MTCL2: variants seen among roughly 807,000 people sequenced by gnomAD.
The protein encoded by MTCL2 is microtubule crosslinking factor 2.
chr20:36,805,017 G>T, the MTCL2 span: 2 of 1,148,012 alleles, frequency 1.7e-6, no homozygotes, highest in Non-Finnish European at 2.5e-6. Flanking sequence ...CCTCAGGCAA[G>T]TCCCACAACC....
the MTCL2 span, among the ~76,000 whole-genome samples, chr20:36,820,611 G>A: frequency 6.6e-6 from 1 of 152,200 alleles, no homozygotes; most frequent in Non-Finnish European, 1.5e-5. Flanking sequence ...GGAGGCTGAG[G>A]CAGTTGGATC....
At chr20:36,819,663 A>G in the MTCL2 span, among the ~76,000 whole-genome samples, 12 of 152,014 alleles carry the variant, frequency 7.9e-5, no homozygotes, top group Non-Finnish European at 1.8e-4. Flanking sequence ...GGTCTGAGAC[A>G]TCAGTATTTT....
At chr20:36,803,074 G>A in the MTCL2 span, 49 of 1,608,374 alleles carry the variant, frequency 3.0e-5, no homozygotes, top group Middle Eastern at 1.7e-4. Flanking sequence ...GGCCCTGCCC[G>A]CTCCCCGGCC....
At chr20:36,846,926 C>G in the MTCL2 span, among the ~76,000 whole-genome samples, 6 of 152,338 alleles carry the variant, frequency 3.9e-5, no homozygotes, top group South Asian at 1.0e-3. Context: ...AGGAGAATCG[C>G]TTGAAACCCA....
At chr20:36,783,322 C>T in the MTCL2 span, 1 of 152,148 alleles carries the variant, frequency 6.6e-6, no homozygotes, top group Non-Finnish European at 1.5e-5. Context: ...CACTGATGCA[C>T]CAAAATGACT....
At chr20:36,859,049 C>T in the MTCL2 span, among the ~76,000 whole-genome samples, 1 of 152,220 alleles carries the variant, frequency 6.6e-6, no homozygotes, top group Admixed American at 6.5e-5. Flanking sequence ...CCTTGGCCTC[C>T]CAAAGTGCTG....
At chr20:36,797,642 G>A in the MTCL2 span, 1 of 1,431,468 alleles carries the variant, frequency 7.0e-7, no homozygotes, top group Non-Finnish European at 9.6e-7. Context: ...CTCTAAGCAA[G>A]GCCATTCCCC....
At chr20:36,851,037 G>A in the MTCL2 span, among the ~76,000 whole-genome samples, 4 of 152,188 alleles carry the variant, frequency 2.6e-5, no homozygotes, top group African/African-American at 9.7e-5. Flanking sequence ...AGTCCCGGTG[G>A]TTGTCAGGGT....
the MTCL2 span, among the ~76,000 whole-genome samples, chr20:36,798,315 G>A: frequency 1.3e-5 from 2 of 152,316 alleles, no homozygotes; most frequent in East Asian, 3.9e-4. Flanking sequence ...TGATCCGCCT[G>A]CCTCGACTTC....
chr20:36,805,209 G>T, the MTCL2 span, among the ~76,000 whole-genome samples: 1 of 152,126 alleles, frequency 6.6e-6, no homozygotes, highest in East Asian at 1.9e-4. Flanking sequence ...CTGTGCCGTG[G>T]GTCCTTCTCC....
At chr20:36,830,208 C>A in the MTCL2 span, among the ~76,000 whole-genome samples, 2 of 151,840 alleles carry the variant, frequency 1.3e-5, no homozygotes, top group Non-Finnish European at 2.9e-5. Flanking sequence ...TGTGGGAGGG[C>A]CAGAAGCTCA....
At chr20:36,833,408 A>G in the MTCL2 span, among the ~76,000 whole-genome samples, 1 of 152,236 alleles carries the variant, frequency 6.6e-6, no homozygotes, top group African/African-American at 2.4e-5. Flanking sequence ...GCACTCAGCC[A>G]TGAGGTCACT....
At chr20:36,800,902 G>A in the MTCL2 span, among the ~76,000 whole-genome samples, 8 of 152,256 alleles carry the variant, frequency 5.3e-5, no homozygotes, top group East Asian at 3.9e-4. Flanking sequence ...TCTAGAAGGC[G>A]GCCTGGCAGT....
chr20:36,831,565 CA>C, the MTCL2 span, among the ~76,000 whole-genome samples: 1 of 152,188 alleles, frequency 6.6e-6, no homozygotes, highest in Admixed American at 6.5e-5. Context: ...GACCCCTTGG[CA>C]ATGTATGAGG....
At chr20:36,840,818 C>T in the MTCL2 span, among the ~76,000 whole-genome samples, 2 of 150,802 alleles carry the variant, frequency 1.3e-5, no homozygotes, top group African/African-American at 4.9e-5. Context: ...TGCACCCCAG[C>T]CTGGGCGACA....
At chr20:36,827,933 C>T in the MTCL2 span, among the ~76,000 whole-genome samples, 1 of 152,170 alleles carries the variant, frequency 6.6e-6, no homozygotes, top group Non-Finnish European at 1.5e-5. Flanking sequence ...GGCTAGCCAC[C>T]CTTAGCAGCA....
At chr20:36,794,668 A>G in the MTCL2 span, 3 of 1,603,372 alleles carry the variant, frequency 1.9e-6, no homozygotes, top group South Asian at 1.1e-5. This position sits in a 1 kb window ranked among gnomAD's most constrained non-coding sequence, Gnocchi z 5.4. Context: ...CTGGTCTACC[A>G]CCCTGGTCCG....
chr20:36,855,643 G>C, the MTCL2 span, among the ~76,000 whole-genome samples: 1 of 152,194 alleles, frequency 6.6e-6, no homozygotes, highest in Non-Finnish European at 1.5e-5. Context: ...CCCTTTCCTA[G>C]GGGACTCTCT....
the MTCL2 span, among the ~76,000 whole-genome samples, chr20:36,811,474 C>T: frequency 5.8e-4 from 88 of 151,856 alleles, no homozygotes; most frequent in Non-Finnish European, 1.2e-3. Flanking sequence ...ACTAAAAATA[C>T]GAAAATTAGC....
Sources: gnomAD v4.1 joint callset for allele counts (sites outside exome capture counted in the v4.1 genomes callset) on GRCh38, gnomAD v4.1.1 for gene constraint, Gnocchi (gnomAD v3.1) non-coding constraint, MANE v1.5 for transcripts, NCBI Gene and HGNC (gene_info 2026-07-23, HGNC 2026-07-21) for gene names.